The following PHLDB2 variants were observed in gnomAD, a reference collection of about 807,000 sequenced individuals.
PHLDB2 encodes pleckstrin homology like domain family B member 2.
Under a neutral mutation model 123.6 loss-of-function variants are expected in PHLDB2, and 71 were observed. The observed-to-expected ratio is 0.57, with a 90% CI of 0.47 to 0.70. The LOEUF (loss-of-function observed/expected upper bound fraction) is 0.70. PHLDB2 is among the 30% of genes least tolerant of loss of function. PHLDB2 has a pLI of 0.00. For synonymous variants in PHLDB2, 547 were observed against 541.6 expected, an observed-to-expected ratio of 1.01 and a Z score of -0.14; for missense variants, 1,446 against 1,519.5, an observed-to-expected ratio of 0.95 and a Z score of 0.80.
chr3:111,848,748 G>A (rs1467168584), intron 2 of PHLDB2, among the ~76,000 whole-genome samples: 1 of 152,202 alleles, frequency 6.6e-6, no homozygotes, highest in Admixed American at 6.5e-5. Flanking sequence ...CTTATCATCT[G>A]GTGACAGTGG....
intron 1 of PHLDB2, among the ~76,000 whole-genome samples, chr3:111,733,487 C>T (rs1941573214): frequency 6.6e-6 from 1 of 152,154 alleles, no homozygotes; most frequent in Non-Finnish European, 1.5e-5. Context: ...TATCCCAAGA[C>T]CCCCCTTCCC....
upstream of PHLDB2, among the ~76,000 whole-genome samples, chr3:111,855,288 C>G (rs2064432488): frequency 1.3e-5 from 2 of 152,158 alleles, no homozygotes; most frequent in South Asian, 4.1e-4. Flanking sequence ...GTTTACAACA[C>G]AATATCTCTA....
chr3:111,830,357 C>G (rs1462605752), intron 1 of PHLDB2, among the ~76,000 whole-genome samples: 1 of 151,942 alleles, frequency 6.6e-6, no homozygotes, highest in Non-Finnish European at 1.5e-5. Flanking sequence ...TTAAAGCAAT[C>G]TAAAATTCTT....
intron 2 of PHLDB2, among the ~76,000 whole-genome samples, chr3:111,852,602 G>A (rs1043051728): frequency 6.6e-6 from 1 of 152,018 alleles, no homozygotes; most frequent in African/African-American, 2.4e-5. Flanking sequence ...TGCTGTTAAG[G>A]TGTTGGTTTC....
At chr3:111,838,643 A>T (rs1192272236) in intron 1 of PHLDB2, among the ~76,000 whole-genome samples, 5 of 152,202 alleles carry the variant, frequency 3.3e-5, no homozygotes, top group East Asian at 3.8e-4. Context: ...AGCCCCACAG[A>T]ATTAGTGACA....
chr3:111,775,417 C>CAA (rs1317660928), intron 1 of PHLDB2, among the ~76,000 whole-genome samples: 1 of 152,062 alleles, frequency 6.6e-6, no homozygotes, highest in Admixed American at 6.6e-5. Context: ...ACTGGTTAGT[C>CAA]AAGAAGTAAG....
At chr3:111,806,765 C>A (rs1418893765) in intron 1 of PHLDB2, among the ~76,000 whole-genome samples, 1 of 151,892 alleles carries the variant, frequency 6.6e-6, no homozygotes, top group Non-Finnish European at 1.5e-5. Context: ...GGATTACAGG[C>A]ATGAGCCACT....
intron 2 of PHLDB2, chr3:111,911,744 A>G: frequency 6.6e-7 from 1 of 1,523,142 alleles, no homozygotes. Flanking sequence ...TGTAGGAACT[A>G]GTTTATTAGT....
chr3:111,849,040 C>A (rs945883184), intron 2 of PHLDB2, among the ~76,000 whole-genome samples: 22 of 152,144 alleles, frequency 1.4e-4, no homozygotes, highest in African/African-American at 5.3e-4. Flanking sequence ...CAAGCAATGC[C>A]CGACTGTATA....
At chr3:111,951,797 G>A (rs2070734952) in intron 10 of PHLDB2, among the ~76,000 whole-genome samples, 2 of 151,946 alleles carry the variant, frequency 1.3e-5, no homozygotes, top group South Asian at 2.1e-4. Flanking sequence ...GGAACAGGTA[G>A]GGTTTGGTTA....
In PHLDB2 at chr3:111,954,140, G is replaced by A. The variant is rs1023103164; in HGVS notation, c.2872+111G>A. 22 of 916,808 alleles carry A rather than the reference G, an allele frequency of 2.4e-5. 1 individual carries two copies. The highest frequency in any genetic ancestry group is 2.2e-4 in the African/African-American group (13 of 59,592). 56.8% of individuals were successfully genotyped at this position (916,808 alleles called of 1,614,324 possible). A position where few individuals can be genotyped will look rare whatever the true frequency, so the allele number is the denominator to read the frequency against. On this transcript the variant is annotated intron_variant, in intron 12 of 17. Transcript: ENST00000431670. ...TGATTAGAGGAGGGATCAACCAAAG[G>A]CCTAATTTTACTCTTAATGTGTTCT...
At chr3:111,903,882 C>A (rs2067343727) in intron 2 of PHLDB2, among the ~76,000 whole-genome samples, 1 of 152,026 alleles carries the variant, frequency 6.6e-6, no homozygotes, top group Non-Finnish European at 1.5e-5. Context: ...AAAGGTTGAA[C>A]TTGATTAAAA....
intron 13 of PHLDB2, among the ~76,000 whole-genome samples, chr3:111,963,833 T>A (rs2071577765): frequency 6.6e-6 from 1 of 152,238 alleles, no homozygotes; most frequent in Admixed American, 6.5e-5. Context: ...TTTCTACCAA[T>A]GTTCAAAAAA....
chr3:111,899,950 T>C (rs2107438849), intron 2 of PHLDB2, among the ~76,000 whole-genome samples: 1 of 152,318 alleles, frequency 6.6e-6, no homozygotes, highest in South Asian at 2.1e-4. Context: ...TTATCTTAGA[T>C]CTTTCCAATT....
intron 1 of PHLDB2, among the ~76,000 whole-genome samples, chr3:111,838,490 G>A (rs2063518465): frequency 6.6e-6 from 1 of 152,168 alleles, no homozygotes; most frequent in African/African-American, 2.4e-5. Context: ...AACCAGCACA[G>A]CATGGAAGTT....
intron 2 of PHLDB2, among the ~76,000 whole-genome samples, chr3:111,887,425 C>T (rs966407780): frequency 1.3e-4 from 20 of 152,080 alleles, no homozygotes; most frequent in African/African-American, 2.7e-4. Flanking sequence ...AAAGGGATGA[C>T]GGATTCTTAT....
At chr3:111,950,604 C>G (rs1559918732) in intron 10 of PHLDB2, among the ~76,000 whole-genome samples, 1 of 149,944 alleles carries the variant, frequency 6.7e-6, no homozygotes, top group East Asian at 1.9e-4. Context: ...CTTGGGTATT[C>G]AAAAAAAAAA....
chr3:111,779,394 C>T (rs533767699), intron 1 of PHLDB2, among the ~76,000 whole-genome samples: 50 of 152,112 alleles, frequency 3.3e-4, no homozygotes, highest in African/African-American at 1.2e-3. Flanking sequence ...TTTTTCAGCC[C>T]TTGCCCCCCT....
rs569066482 is a variant in PHLDB2, at chr3:111,938,130, T to C, written c.2131-1345T>C. Among the ~76,000 whole-genome samples the C allele has an allele frequency of 2.6e-5, 4 of 152,318 alleles. No individual in the cohort carries two copies. The East Asian group carries it at 7.7e-4, about 29-fold the overall frequency. On this transcript the variant is annotated intron_variant, in intron 6 of 17. Coordinates refer to ENST00000431670, the MANE Select transcript of PHLDB2 (RefSeq NM_001134438.2). ...GTTTACACTTTCCAGTAAAAAGGTG[T>C]GTACATATTTTTAATGGGCTCATAG...
Sources: allele counts gnomAD v4.1 joint callset (sites outside exome capture counted in the v4.1 genomes callset), GRCh38; gene constraint gnomAD v4.1.1; transcripts MANE v1.5; gene names NCBI Gene and HGNC (gene_info 2026-07-23, HGNC 2026-07-21).